Variants in MYH7B observed in about 807,000 individuals in gnomAD.
MYH7B encodes the protein myosin-7B.
A neutral mutation model predicts 234.5 loss-of-function variants in MYH7B; 205 were observed. The ratio of observed to expected loss-of-function variants is 0.87; its 90% confidence interval spans 0.78 to 0.98. The LOEUF is 0.98. Among genes scored for constraint, MYH7B ranks in the 50% least tolerant of loss-of-function variants. The pLI is 0.00. For missense variants in MYH7B, 2,652 were observed against 2,633.4 expected, an observed-to-expected ratio of 1.01 and a Z score of -0.15; for synonymous variants, 1,193 against 1,105.0, an observed-to-expected ratio of 1.08 and a Z score of -1.58.
At chr20:34,990,565 T>TTGG in intron 22 of MYH7B, 173 bp from the exon 23 acceptor site, 1 of 781,844 alleles carries the variant, frequency 1.3e-6, no homozygotes, top group Non-Finnish European at 2.3e-6. Context: ...AGTGAAGACT[T>TTGG]TGGTGGTGGT....
chr20:34,979,625 C>G (rs1263389575), intron 6 of MYH7B, 36 bp from the exon 7 acceptor site: 1 of 1,613,194 alleles, frequency 6.2e-7, no homozygotes, highest in Admixed American at 1.7e-5. Flanking sequence ...TCGGTTCCTC[C>G]CGGTCCCCCG....
intron 18 of MYH7B, 62 bp from the exon 19 acceptor site, chr20:34,988,030 C>T (rs1569044847): frequency 1.3e-6 from 2 of 1,579,816 alleles, no homozygotes; most frequent in Non-Finnish European, 1.7e-6. Context: ...TCATGCCCCT[C>T]CCCGGGCCTC....
At chr20:34,960,900 T>C (rs2147148277) in intron 2 of MYH7B, among the ~76,000 whole-genome samples, 1 of 152,310 alleles carries the variant, frequency 6.6e-6, no homozygotes, top group South Asian at 2.1e-4. Context: ...GAGGGAGAAG[T>C]TACTCTGCCT....
At chr20:34,987,411 C>T (rs1474004788) in intron 16 of MYH7B, 124 bp downstream of exon 16, 21 of 1,449,922 alleles carry the variant, frequency 1.4e-5, no homozygotes, top group Non-Finnish European at 1.9e-5. Context: ...TCCTCAGCTC[C>T]AAACCCTTAC....
intron 2 of MYH7B, among the ~76,000 whole-genome samples, chr20:34,965,183 C>T (rs910440951): frequency 3.9e-5 from 6 of 152,180 alleles, no homozygotes; most frequent in Admixed American, 3.9e-4. Flanking sequence ...TGAGCCACCG[C>T]ACCTGGCTCA....
chr20:34,990,082 C>G, exon 21 of MYH7B: 1 of 1,614,210 alleles, frequency 6.2e-7, no homozygotes, highest in South Asian at 1.1e-5. Flanking sequence ...TGGTCCCCAT[C>G]TTCCAGAAGT....
At chr20:34,984,573 C>G in intron 10 of MYH7B, 119 bp from the exon 11 acceptor site, 1 of 854,224 alleles carries the variant, frequency 1.2e-6, no homozygotes, top group South Asian at 1.5e-5. Context: ...CCATGCATTC[C>G]GGTGACTAAC....
At chr20:34,994,189 G>A (rs1441148782) in exon 27 of MYH7B, 1 of 1,613,440 alleles carries the variant, frequency 6.2e-7, no homozygotes, top group South Asian at 1.1e-5. Flanking sequence ...TGCCTTCAAT[G>A]CCGTCAAGAA....
intron 10 of MYH7B, among the ~76,000 whole-genome samples, chr20:34,983,965 T>C (rs951258609): frequency 2.0e-5 from 3 of 152,158 alleles, no homozygotes; most frequent in African/African-American, 7.2e-5. Flanking sequence ...GAGGCTAGGA[T>C]GGGGAGAAGG....
chr20:34,983,062 G>A (rs953721127), intron 10 of MYH7B, among the ~76,000 whole-genome samples: 4 of 152,086 alleles, frequency 2.6e-5, no homozygotes, highest in Non-Finnish European at 4.4e-5. Flanking sequence ...AAGTTTTTTT[G>A]TTTTTGTTTT....
exon 19 of MYH7B, chr20:34,988,154 CCAGCACATG>C: frequency 6.2e-7 from 1 of 1,614,178 alleles, no homozygotes; most frequent in Non-Finnish European, 8.5e-7. Context: ...AGTTCTTCAA[CCAGCACATG>C]TTTGTGCTGG....
Position 35,000,973 on chromosome 20 carries a change from C to T in MYH7B, c.5305-15C>T. The T allele has an allele frequency of 1.9e-6, 3 of 1,613,568 alleles. No individual in the cohort carries two copies. The highest frequency in any genetic ancestry group is 2.5e-6 in the Non-Finnish European group (3 of 1,179,804). ...CCTGAGGCTGGGCACCTGACCAGCT[C>T]CTCCTCCCCAACAGGCGGCCATGAT... On this transcript the variant is annotated splice_polypyrimidine_tract_variant and intron_variant, in intron 40 of 44. Coordinates refer to ENST00000262873, the Ensembl canonical transcript of MYH7B.
chr20:34,990,067 G>A, exon 21 of MYH7B: 1 of 1,614,196 alleles, frequency 6.2e-7, no homozygotes, highest in South Asian at 1.1e-5. Flanking sequence ...CCCTGAATGA[G>A]ACCGTGGTCC....
In MYH7B at chr20:35,001,323, C is replaced by T. The variant is rs1345908748; in HGVS notation, c.5554C>T (p.Arg1852Cys). The stretch of plus-strand genomic sequence containing the variant: ...CCTTAAGGGCGTGCGCAAGCATGAG[C>T]GCCGTGTCAAGGAGCTCGCATACCA... The change falls in exon 42 of 45, where the codon CGC becomes TGC. Residue 1852 changes from arginine (R) to cysteine (C), a missense_variant. By Grantham distance (180) the Arg-to-Cys change is radical (BLOSUM62 -3). Coordinates refer to ENST00000262873, the Ensembl canonical transcript of MYH7B. 13 of 1,611,542 alleles carry T rather than the reference C, an allele frequency of 8.1e-6. No homozygotes were observed. The highest frequency in any genetic ancestry group is 1.1e-5 in the South Asian group (1 of 90,640).
rs202122911 is a variant in MYH7B at position 34,998,795 on chromosome 20, A to C, written c.4070A>C (p.Glu1357Ala). 407 of 1,613,202 alleles carry C rather than the reference A, an allele frequency of 2.5e-4. 1 individual carries two copies. The African/African-American group carries it at 3.9e-3, about 15-fold the overall frequency. The change falls in exon 35 of 45, where the codon GAG becomes GCG. Residue 1357 changes from glutamate (E) to alanine (A), a missense_variant. By Grantham distance (107) the Glu-to-Ala change is moderately radical. Transcript: ENST00000262873. The stretch of plus-strand genomic sequence containing the variant: ...CTCCTGCGGGAGCAACACGAGGAGG[A>C]GGCTGAGGCCCAGGCTGAGCTGCAG...
chr20:34,988,408 A>G (rs1313296006), intron 19 of MYH7B, 146 bp downstream of exon 19: 42 of 925,454 alleles, frequency 4.5e-5, no homozygotes, highest in Non-Finnish European at 6.4e-5. Context: ...ATGTGAGTGT[A>G]GTTGTGACAG....
chr20:34,964,219 C>T (rs891203131), intron 2 of MYH7B, among the ~76,000 whole-genome samples: 3 of 152,046 alleles, frequency 2.0e-5, no homozygotes, highest in Non-Finnish European at 4.4e-5. Flanking sequence ...GCATCCTCAC[C>T]GAGACAGAAT....
intron 2 of MYH7B, among the ~76,000 whole-genome samples, chr20:34,973,642 A>G (rs1239530164): frequency 6.6e-6 from 1 of 152,200 alleles, no homozygotes; most frequent in African/African-American, 2.4e-5. Flanking sequence ...GAGATGGTGA[A>G]AAGTCCCCTT....
At chr20:34,995,187 C>G in intron 27 of MYH7B, 149 bp from the exon 28 acceptor site, 1 of 763,256 alleles carries the variant, frequency 1.3e-6, no homozygotes, top group Middle Eastern at 3.9e-4. Flanking sequence ...CCCTTCCATG[C>G]CCAAGAGCGA....
Sources: allele counts gnomAD v4.1 joint callset (sites outside exome capture counted in the v4.1 genomes callset), GRCh38; gene constraint gnomAD v4.1.1; transcripts MANE v1.5; gene names NCBI Gene and HGNC (gene_info 2026-07-23, HGNC 2026-07-21).